ATG10: variants seen among roughly 807,000 people sequenced by gnomAD.
ATG10 encodes ubiquitin-like-conjugating enzyme ATG10.
In ATG10, 30 loss-of-function variants were observed where a neutral mutation model predicts 32.1. That is an observed-to-expected ratio of 0.94 (90% confidence interval 0.70 to 1.27). The LOEUF (loss-of-function observed/expected upper bound fraction) is 1.27. ATG10 is among the 50% of genes most tolerant of loss of function. The pLI is 0.00. For missense variants in ATG10, 233 were observed against 262.3 expected, an observed-to-expected ratio of 0.89 and a Z score of 0.77; for synonymous variants, 87 against 91.5, an observed-to-expected ratio of 0.95 and a Z score of 0.28.
chr5:82,215,992 T>C (rs1013617991), intron 5 of ATG10, among the ~76,000 whole-genome samples: 1 of 151,820 alleles, frequency 6.6e-6, no homozygotes, highest in African/African-American at 2.4e-5. Context: ...CTTCTGAGAA[T>C]TCAAAGACCC....
At chr5:81,982,396 GT>G (rs1190715458) in intron 1 of ATG10, among the ~76,000 whole-genome samples, 1 of 152,148 alleles carries the variant, frequency 6.6e-6, no homozygotes, top group African/African-American at 2.4e-5. Flanking sequence ...AACTCGGGAG[GT>G]GGAGGTTGTA....
intron 3 of ATG10, among the ~76,000 whole-genome samples, chr5:82,060,050 G>A (rs550700206): frequency 8.5e-5 from 13 of 152,290 alleles, no homozygotes; most frequent in Non-Finnish European, 1.6e-4. Flanking sequence ...AAAAAGTGGT[G>A]TTGACAGTGT....
intron 5 of ATG10, among the ~76,000 whole-genome samples, chr5:82,233,751 T>C (rs1336220374): frequency 6.6e-6 from 1 of 152,180 alleles, no homozygotes; most frequent in Non-Finnish European, 1.5e-5. Flanking sequence ...TCCCCAACTT[T>C]CTTACTATAT....
At chr5:82,055,055 C>T (rs527727337) in intron 2 of ATG10, among the ~76,000 whole-genome samples, 1 of 152,126 alleles carries the variant, frequency 6.6e-6, no homozygotes, top group African/African-American at 2.4e-5. Flanking sequence ...GGTTCTCCTG[C>T]TTTTGAGTTT....
At chr5:81,977,169 AAATC>A (rs1242134679) in intron 1 of ATG10, among the ~76,000 whole-genome samples, 2 of 152,202 alleles carry the variant, frequency 1.3e-5, no homozygotes, top group Non-Finnish European at 2.9e-5. Context: ...GACCTCAAAT[AAATC>A]CTTTAAAATT....
Position 82,254,803 on chromosome 5 carries a change from A to G in ATG10, c.*740A>G, listed in dbSNP as rs1323505009. On this transcript the variant is annotated 3_prime_UTR_variant, in exon 8 of 8. Coordinates refer to ENST00000282185, the MANE Select transcript of ATG10 (RefSeq NM_031482.5). The stretch of plus-strand genomic sequence containing the variant: ...TACCTGTCCCTGAAACTGGTGTTAT[A>G]AACATGACCTATCTTAAGTGATTTT... 6.6e-6 allele frequency: 1 copy of G among 152,068 alleles called. No homozygotes were observed. The highest frequency in any genetic ancestry group is 1.5e-5 in the Non-Finnish European group (1 of 68,034). 9.4% of individuals were successfully genotyped at this position (152,068 alleles called of 1,614,324 possible).
At chr5:82,218,578 A>T (rs1745791793) in intron 5 of ATG10, among the ~76,000 whole-genome samples, 1 of 152,092 alleles carries the variant, frequency 6.6e-6, no homozygotes, top group African/African-American at 2.4e-5. Flanking sequence ...TTTTACATGA[A>T]TCCAGAGTCT....
chr5:82,082,735 G>C (rs960508971), intron 3 of ATG10, among the ~76,000 whole-genome samples: 1 of 151,688 alleles, frequency 6.6e-6, no homozygotes, highest in African/African-American at 2.4e-5. Context: ...AACCATATCA[G>C]GAAATATGGA....
intron 5 of ATG10, among the ~76,000 whole-genome samples, chr5:82,224,103 TTTG>T (rs1288403724): frequency 6.6e-6 from 1 of 152,114 alleles, no homozygotes; most frequent in African/African-American, 2.4e-5. Context: ...TAGTAGAACC[TTTG>T]TTGTTGTGTT....
chr5:82,065,472 A>T (rs1470286440), intron 3 of ATG10, among the ~76,000 whole-genome samples: 1 of 151,890 alleles, frequency 6.6e-6, no homozygotes, highest in African/African-American at 2.4e-5. Flanking sequence ...AGAGAGCAAG[A>T]CATTGTCTCA....
intron 5 of ATG10, among the ~76,000 whole-genome samples, chr5:82,215,836 G>A (rs1346177095): frequency 1.3e-5 from 2 of 151,904 alleles, no homozygotes; most frequent in African/African-American, 4.8e-5. Flanking sequence ...TACTCGGGAG[G>A]CTGAGGCAGA....
In ATG10 at chr5:81,983,470, C is replaced by G. The variant is rs1166938993; in HGVS notation, c.-12-4089C>G. ...CTGGCCGGGCGGGGGTCTGACCCCC[C>G]CCACCTCCCTCCCGGACGGGGCAGC... is the stretch of plus-strand genomic sequence containing the variant. On this transcript the variant is annotated intron_variant, in intron 1 of 7. Coordinates refer to ENST00000282185, the MANE Select transcript of ATG10 (RefSeq NM_031482.5). Among the ~76,000 whole-genome samples the G allele has an allele frequency of 2.8e-5, 4 of 141,418 alleles. No homozygotes were observed. The East Asian group carries it at 8.8e-4, about 31-fold the overall frequency. 92.8% of individuals were successfully genotyped at this position (141,418 alleles called of 152,430 possible).
chr5:82,118,168 G>C (rs770427634), intron 3 of ATG10, among the ~76,000 whole-genome samples: 1 of 151,276 alleles, frequency 6.6e-6, no homozygotes, highest in Non-Finnish European at 1.5e-5. Flanking sequence ...TTTCTGGTTT[G>C]GGTGATTGGA....
chr5:82,027,034 G>C (rs1042521111), intron 2 of ATG10, among the ~76,000 whole-genome samples: 5 of 151,558 alleles, frequency 3.3e-5, no homozygotes, highest in African/African-American at 1.2e-4. Context: ...ACTCTAGCCT[G>C]GGCAACAGAG....
At chr5:82,118,072 A>C (rs1271980678) in intron 3 of ATG10, among the ~76,000 whole-genome samples, 1 of 151,938 alleles carries the variant, frequency 6.6e-6, no homozygotes, top group Non-Finnish European at 1.5e-5. Flanking sequence ...AAATCAGAAA[A>C]ATTTCATAAA....
intron 3 of ATG10, among the ~76,000 whole-genome samples, chr5:82,136,711 GT>G (rs1463153575): frequency 6.6e-6 from 1 of 152,132 alleles, no homozygotes; most frequent in Non-Finnish European, 1.5e-5. Flanking sequence ...TTCTCAAGGA[GT>G]TTCTTTGTGA....
chr5:82,157,106 T>A (rs4470744), intron 3 of ATG10, among the ~76,000 whole-genome samples: 152,184 of 152,276 alleles, frequency 1, 76,046 homozygotes, highest in Non-Finnish European at 1. Context: ...TGAGCATGCC[T>A]GCCTGGAGAA....
chr5:82,203,099 A>G (rs901004605), intron 5 of ATG10, among the ~76,000 whole-genome samples: 51 of 152,140 alleles, frequency 3.4e-4, no homozygotes, highest in African/African-American at 1.1e-3. Flanking sequence ...TTGGTGGTGC[A>G]TGCCTGTAAT....
chr5:82,028,272 A>T (rs1324751750), intron 2 of ATG10, among the ~76,000 whole-genome samples: 9 of 152,200 alleles, frequency 5.9e-5, no homozygotes, highest in Admixed American at 5.9e-4. Flanking sequence ...GAAAATGCTG[A>T]ATTGCTGTAT....
Sources: allele counts gnomAD v4.1 joint callset (sites outside exome capture counted in the v4.1 genomes callset), GRCh38; gene constraint gnomAD v4.1.1; transcripts MANE v1.5; gene names NCBI Gene and HGNC (gene_info 2026-07-23, HGNC 2026-07-21).